The following RYR3 variants were observed in gnomAD, a reference collection of about 807,000 sequenced individuals.
RYR3 encodes ryanodine receptor 3.
In RYR3, 207 loss-of-function variants were observed where a neutral mutation model predicts 584.3. The ratio of observed to expected loss-of-function variants is 0.35; its 90% CI spans 0.32 to 0.40. The LOEUF is 0.40. Among genes scored for constraint, RYR3 ranks in the 10% least tolerant of loss-of-function variants. The pLI is 1.00. For synonymous variants in RYR3, 2,416 were observed against 2,248.5 expected, an observed-to-expected ratio of 1.07 and a Z score of -2.11; for missense variants, 5,616 against 6,089.2, an observed-to-expected ratio of 0.92 and a Z score of 2.59.
At chr15:33,856,747 C>G (rs1478653771) in intron 98 of RYR3, 2 of 152,608 alleles carry the variant, frequency 1.3e-5, no homozygotes, top group East Asian at 3.8e-4. Context: ...CAACCTCCGA[C>G]TCCTGGGTTC....
At chr15:33,574,575 G>C (rs2058198496) in intron 12 of RYR3, among the ~76,000 whole-genome samples, 1 of 152,216 alleles carries the variant, frequency 6.6e-6, no homozygotes. Context: ...GAAGCTTACA[G>C]TCCCCCATTA....
At chr15:33,663,074 A>G (rs2063263770) in intron 35 of RYR3, 126 bp downstream of exon 35, 1 of 778,882 alleles carries the variant, frequency 1.3e-6, no homozygotes. Context: ...ACTGACCAAG[A>G]GTGCTTGATG....
intron 1 of RYR3, among the ~76,000 whole-genome samples, chr15:33,327,148 C>G (rs1205417170): frequency 6.6e-6 from 1 of 151,778 alleles, no homozygotes; most frequent in Non-Finnish European, 1.5e-5. Context: ...CTTCTCAGGC[C>G]AAAGGATTAA....
intron 51 of RYR3, among the ~76,000 whole-genome samples, chr15:33,741,598 AGTTTTGTTTT>A (rs72331426): frequency 7.3e-5 from 11 of 151,230 alleles, no homozygotes; most frequent in Non-Finnish European, 8.8e-5. Context: ...CCAAAATTCT[AGTTTTGTTTT>A]GTTTTGTTTT....
chr15:33,644,200 CAT>C (rs1442194018), intron 27 of RYR3, 109 bp from the exon 28 acceptor site: 2 of 770,554 alleles, frequency 2.6e-6, no homozygotes, highest in African/African-American at 3.5e-5. Flanking sequence ...GGTTGTGTCA[CAT>C]CTTTCCTACT....
intron 12 of RYR3, among the ~76,000 whole-genome samples, chr15:33,574,521 C>T (rs1028068571): frequency 3.9e-5 from 6 of 152,146 alleles, no homozygotes; most frequent in African/African-American, 1.4e-4. Context: ...GTGCCAGGCA[C>T]TGCTAGGAGT....
chr15:33,442,844 A>T (rs1245630197), intron 1 of RYR3, among the ~76,000 whole-genome samples: 1 of 152,228 alleles, frequency 6.6e-6, no homozygotes, highest in Non-Finnish European at 1.5e-5. Context: ...GTGTTTGTCC[A>T]CCACAAGGGG....
Position 33,646,530 on chromosome 15 carries a change from A to AG in RYR3, c.3941+7dup. On this transcript the variant is annotated splice_donor_region_variant and intron_variant, in intron 29 of 103. Transcript: ENST00000634891. ...ACAGTGAAGCTTTCCAGAAAAGGTG[A>AG]GGGTGAGGCCTCCAGTTCTCAGAGG... The AG allele has an allele frequency of 6.2e-7, 1 of 1,606,064 alleles. No homozygotes were observed. Among genetic ancestry groups the AG allele is most frequent in the East Asian group, 2.2e-5 (1 of 44,720 alleles).
At chr15:33,602,453 G>A (rs2059711003) in intron 17 of RYR3, among the ~76,000 whole-genome samples, 1 of 151,868 alleles carries the variant, frequency 6.6e-6, no homozygotes, top group South Asian at 2.1e-4. Flanking sequence ...ATAATGCTTC[G>A]GTAACAAAGC....
intron 82 of RYR3, 70 bp from the exon 83 acceptor site, chr15:33,826,177 TTTAAC>T (rs2077369261): frequency 6.8e-7 from 1 of 1,466,702 alleles, no homozygotes; most frequent in South Asian, 1.1e-5. Context: ...CATAGCCAGT[TTTAAC>T]TAAAGACAGT....
At chr15:33,468,050 G>T (rs1225180657) in intron 1 of RYR3, among the ~76,000 whole-genome samples, 1 of 152,146 alleles carries the variant, frequency 6.6e-6, no homozygotes, top group Non-Finnish European at 1.5e-5. Context: ...GAGCCCGTTT[G>T]GTGCCATGGT....
chr15:33,368,984 T>C (rs1975924081), intron 1 of RYR3, among the ~76,000 whole-genome samples: 1 of 152,218 alleles, frequency 6.6e-6, no homozygotes, highest in African/African-American at 2.4e-5. Context: ...CAGGGAGCTC[T>C]TGCTGTGCAC....
chr15:33,736,451 G>T (rs2152829703), intron 49 of RYR3, 126 bp downstream of exon 49: 1 of 608,968 alleles, frequency 1.6e-6, no homozygotes, highest in Non-Finnish European at 2.8e-6. Context: ...TTAAGTTGAT[G>T]GTTAGCTAAC....
At chr15:33,754,785 A>G (rs909600900) in intron 57 of RYR3, among the ~76,000 whole-genome samples, 7 of 152,176 alleles carry the variant, frequency 4.6e-5, no homozygotes, top group Admixed American at 2.6e-4. Context: ...TACAGCTAGC[A>G]TGTAAATTCT....
intron 102 of RYR3, among the ~76,000 whole-genome samples, chr15:33,862,682 C>G (rs1195644549): frequency 6.6e-6 from 1 of 152,062 alleles, no homozygotes; most frequent in Non-Finnish European, 1.5e-5. Context: ...GCCATCTTGG[C>G]TCACTGTAGC....
At chr15:33,479,467 A>G (rs1036230608) in intron 2 of RYR3, among the ~76,000 whole-genome samples, 10 of 150,340 alleles carry the variant, frequency 6.7e-5, no homozygotes, top group African/African-American at 1.2e-4. Context: ...ATGAAGAGGC[A>G]TATAAGCTGA....
intron 20 of RYR3, among the ~76,000 whole-genome samples, 190 bp downstream of exon 20, chr15:33,624,213 G>A (rs1199540537): frequency 6.6e-6 from 1 of 152,222 alleles, no homozygotes; most frequent in Non-Finnish European, 1.5e-5. Context: ...CTCAATCAGT[G>A]AACATGTTGA....
At chr15:33,702,204 C>T (rs2066355691) in intron 42 of RYR3, among the ~76,000 whole-genome samples, 1 of 152,076 alleles carries the variant, frequency 6.6e-6, no homozygotes, top group Non-Finnish European at 1.5e-5. Flanking sequence ...AGTGCTCCTA[C>T]CCATTTTATT....
chr15:33,644,493 G>T lies in RYR3; in HGVS notation c.3739G>T (p.Val1247Leu). The T allele has an allele frequency of 6.2e-7, 1 of 1,613,698 alleles. No homozygotes were observed. The highest frequency in any genetic ancestry group is 8.5e-7 in the Non-Finnish European group (1 of 1,179,694). ...FSKRLPTFVN[V>L]PKDHPHIEVM... Reference sequence around the variant, plus strand: ...CAAGCGCCTCCCGACGTTTGTCAACGTGCCAAAGGATCATCCACACATAGA... The same window carrying T: ...CAAGCGCCTCCCGACGTTTGTCAACTTGCCAAAGGATCATCCACACATAGA... The change falls in exon 28 of 104, where the codon GTG becomes TTG. Residue 1247 changes from valine (V) to leucine (L), a missense_variant. Around this residue, in one of 9 missense-constraint regions of RYR3, gnomAD observed 753 missense variants for 741.0 expected, o/e 1.02. Coordinates refer to ENST00000634891, the MANE Select transcript of RYR3 (RefSeq NM_001036.6).
Sources: allele counts gnomAD v4.1 joint callset (sites outside exome capture counted in the v4.1 genomes callset), GRCh38; gene constraint gnomAD v4.1.1; regional missense constraint gnomAD v4.1.1; transcripts MANE v1.5; gene names NCBI Gene and HGNC (gene_info 2026-07-23, HGNC 2026-07-21).